The following ZNF134 variants were observed in gnomAD, a reference collection of about 807,000 sequenced individuals.
The protein encoded by ZNF134 is zinc finger protein 134.
A neutral mutation model predicts 2.5 loss-of-function variants in ZNF134; 5 were observed. That is an observed-to-expected ratio of 2.03 (90% CI 1.06 to 4.27). The LOEUF (loss-of-function observed/expected upper bound fraction) is 4.27, where lower values mean the gene tolerates loss of function less well. Among genes scored for constraint, ZNF134 ranks in the 30% most tolerant of loss-of-function variants. The pLI, the probability that ZNF134 is intolerant of heterozygous loss-of-function variation, is 0.00. For missense variants in ZNF134, 540 were observed against 517.5 expected, an observed-to-expected ratio of 1.04 and a Z score of -0.42; for synonymous variants, 176 against 176.2, an observed-to-expected ratio of 1.00 and a Z score of 0.01.
rs201304965 is a variant in ZNF134 at position 57,621,025 on chromosome 19, A to G, written c.906A>G (p.Thr302=). 9.9e-6 allele frequency: 16 copies of G among 1,613,918 alleles called. No individual in the cohort carries two copies. The highest frequency in any genetic ancestry group is 1.3e-5 in the African/African-American group (1 of 74,870). ...DCGKVFRHKS[T]LVQHESIHTG... is the part of the protein sequence containing the mutation. ...GGAAAGTCTTCAGACACAAATCTAC[A>G]CTTGTTCAGCATGAGAGTATTCACA... Residue 302 remains threonine (T), a synonymous_variant, in exon 3 of 3, where the codon ACA becomes ACG. Coordinates refer to ENST00000396161, the MANE Select transcript of ZNF134 (RefSeq NM_003435.5).
chr19:57,614,657 G>C (rs990133576), intron 1 of ZNF134, among the ~76,000 whole-genome samples, 154 bp downstream of exon 1: 2 of 152,198 alleles, frequency 1.3e-5, no homozygotes, highest in Admixed American at 1.3e-4. Context: ...GGGGCAGCCT[G>C]AGCATAGGTT....
rs768659301 is a variant in ZNF134, at chr19:57,621,375, A to G, written c.1256A>G (p.Gln419Arg). ...TTAAGCTCCCACCTCAATCGGCACC[A>G]GAAAGTTCACACTGCAGGCAGGCTT... Reference protein sequence around the residue: ...YSLSSHLNRHQKVHTAGRL With the variant: ...YSLSSHLNRHRKVHTAGRL Residue 419 changes from glutamine to arginine, a missense_variant, in exon 3 of 3, where the codon CAG becomes CGG. Physicochemically the swap from Gln to Arg is conservative, Grantham distance 43. Coordinates refer to ENST00000396161, the MANE Select transcript of ZNF134 (RefSeq NM_003435.5). 13 of 1,613,874 alleles carry G rather than the reference A, an allele frequency of 8.1e-6. No homozygotes were observed. The highest frequency in any genetic ancestry group is 1.0e-5 in the Non-Finnish European group (12 of 1,180,014).
rs760973729 is a variant in ZNF134, at chr19:57,621,505, C to G, written c.*102C>G. On this transcript the variant is annotated 3_prime_UTR_variant, in exon 3 of 3. Transcript: ENST00000396161. ...CCTTATGGTGCCAGGTACGTGGGAA[C>G]CTTCTAGGGATATGTTGCACTTTCT... is the stretch of plus-strand genomic sequence containing the variant. 1 of 1,554,798 alleles carries G rather than the reference C, an allele frequency of 6.4e-7. No homozygotes were observed. Among genetic ancestry groups the G allele is most frequent in the Admixed American group, 1.7e-5 (1 of 59,958 alleles).
At chr19:57,619,584 A>G (rs1464994361) in intron 2 of ZNF134, 76 bp downstream of exon 2, 3 of 1,471,334 alleles carry the variant, frequency 2.0e-6, no homozygotes, top group East Asian at 2.5e-5. Flanking sequence ...TGTGCCCATC[A>G]CAAGTGCCAA....
Position 57,619,527 on chromosome 19 carries a change from A to T in ZNF134, c.40+19A>T. 6.3e-7 allele frequency: 1 copy of T among 1,591,106 alleles called. No individual in the cohort carries two copies. Among genetic ancestry groups the T allele is most frequent in the Non-Finnish European group, 8.6e-7 (1 of 1,168,876 alleles). On this transcript the variant is annotated intron_variant, in intron 2 of 2. Coordinates refer to ENST00000396161, the MANE Select transcript of ZNF134 (RefSeq NM_003435.5). The stretch of plus-strand genomic sequence containing the variant: ...GGCCCTGGTGAGTGGGAGCTGAGGG[A>T]CGCCATAACCTCAGGGCTGGGTTCC...
chr19:57,623,664 CAT>C lies in ZNF134; in HGVS notation c.*2263_*2264del, dbSNP rs1305758446. The C allele has an allele frequency of 1.3e-5, 2 of 152,226 alleles. No homozygotes were observed. Among genetic ancestry groups the C allele is most frequent in the East Asian group, 3.9e-4 (2 of 5,184 alleles). 9.4% of individuals were successfully genotyped at this position (152,226 alleles called of 1,614,324 possible). ...ATGTTTGCTGATACCGGGATCAAAA[CAT>C]ACATCAGAACACTGTCACACAAAAA... On this transcript the variant is annotated 3_prime_UTR_variant, in exon 3 of 3. Coordinates refer to ENST00000396161, the MANE Select transcript of ZNF134 (RefSeq NM_003435.5).
chr19:57,619,746 T>C, intron 2 of ZNF134: 1 of 577,328 alleles, frequency 1.7e-6, no homozygotes. Flanking sequence ...TGCTTTCCAA[T>C]ATTGTACTAC....
chr19:57,623,362 A>T lies in ZNF134; in HGVS notation c.*1959A>T, dbSNP rs1402407405. 1.3e-5 allele frequency: 2 copies of T among 152,232 alleles called. No homozygotes were observed. The highest frequency in any genetic ancestry group is 2.9e-5 in the Non-Finnish European group (2 of 68,044). The allele number at this position is 152,232 out of a possible 1,614,324, so 9.4% of individuals were successfully genotyped here. On this transcript the variant is annotated 3_prime_UTR_variant, in exon 3 of 3. Transcript: ENST00000396161. ...TATTAAAAAGCTGCTGCAAATATTG[A>T]TGCATGAGTCTTTATGTGGACACTT...
At chr19:57,618,882 G>T in intron 1 of ZNF134, 1 of 154,542 alleles carries the variant, frequency 6.5e-6, no homozygotes. Context: ...CCCTGGGTAA[G>T]GCCCCAGTAT....
rs761803523 is a variant in ZNF134, at chr19:57,620,298, A to G, written c.179A>G (p.Lys60Arg). The G allele has an allele frequency of 9.7e-5, 157 of 1,614,060 alleles. 1 individual carries two copies. The East Asian group carries it at 3.5e-3, about 35-fold the overall frequency. ...LPCDICGPIL[K>R]DILHLDEHQG... ...TGTGACATATGTGGCCCCATCTTGA[A>G]AGATATTTTGCACCTGGATGAACAC... is the stretch of plus-strand genomic sequence containing the variant. Residue 60 changes from lysine (K) to arginine (R), a missense_variant, in exon 3 of 3, where the codon AAA becomes AGA. Physicochemically the swap from Lys to Arg is conservative, Grantham distance 26. Coordinates refer to ENST00000396161, the MANE Select transcript of ZNF134 (RefSeq NM_003435.5).
intron 1 of ZNF134, among the ~76,000 whole-genome samples, chr19:57,616,383 A>G (rs1449897366): frequency 6.6e-6 from 1 of 152,242 alleles, no homozygotes; most frequent in African/African-American, 2.4e-5. Context: ...AAAAATCTTA[A>G]CCAAATTTTC....
chr19:57,618,033 G>T (rs1034986149), intron 1 of ZNF134, among the ~76,000 whole-genome samples: 14 of 152,176 alleles, frequency 9.2e-5, no homozygotes, highest in African/African-American at 3.4e-4. Flanking sequence ...TTAGCCCAGG[G>T]ACAGATTGGG....
rs764528245 is a variant in ZNF134 at position 57,619,493 on chromosome 19, G to A, written c.25G>A (p.Ala9Thr). ...CATGACTCTAGTCACAGCAGGAGGGGCTTGGACAGGCCCTGGTGAGTGGGA... is the reference window on the plus strand; with the variant it reads ...CATGACTCTAGTCACAGCAGGAGGGACTTGGACAGGCCCTGGTGAGTGGGA... Reference protein sequence around the residue: MTLVTAGGAWTGPGCWHEV... With the variant: MTLVTAGGTWTGPGCWHEV... The change falls in exon 2 of 3, where the codon GCT (alanine) becomes ACT (threonine). Residue 9 changes from alanine to threonine, a missense_variant. Ala to Thr is a moderately conservative substitution (Grantham distance 58). Coordinates refer to ENST00000396161, the MANE Select transcript of ZNF134 (RefSeq NM_003435.5). The A allele has an allele frequency of 4.3e-5, 69 of 1,605,032 alleles. No homozygotes were observed. Among genetic ancestry groups the A allele is most frequent in the Non-Finnish European group, 5.9e-5 (69 of 1,175,928 alleles).
chr19:57,620,916 G>A lies in ZNF134; in HGVS notation c.797G>A (p.Gly266Glu), dbSNP rs369071619. Reference protein sequence around the residue: ...GEMPYKCNECGKYFSHHSNLI... With the variant: ...GEMPYKCNECEKYFSHHSNLI... ...ATGCCTTATAAGTGCAATGAATGTG[G>A]GAAATATTTTAGCCATCACTCCAAT... The change falls in exon 3 of 3, where the codon GGG (glycine) becomes GAG (glutamate). Residue 266 changes from glycine to glutamate, a missense_variant. By Grantham distance (98) the Gly-to-Glu change is moderately conservative. Transcript: ENST00000396161. 2.1e-5 allele frequency: 34 copies of A among 1,614,174 alleles called. No individual in the cohort carries two copies. The African/African-American group carries it at 4.3e-4, about 20-fold the overall frequency.
chr19:57,617,239 A>G (rs1048185059), intron 1 of ZNF134, among the ~76,000 whole-genome samples: 2 of 152,130 alleles, frequency 1.3e-5, no homozygotes, highest in Non-Finnish European at 2.9e-5. Context: ...GTCTTAACCA[A>G]CTTCCTCTGT....
In ZNF134 at chr19:57,619,467, G is replaced by A; in HGVS notation, c.-2G>A. On this transcript the variant is annotated 5_prime_UTR_variant, in exon 2 of 3. Coordinates refer to ENST00000396161, the MANE Select transcript of ZNF134 (RefSeq NM_003435.5). ...GAGAGAACTCTGGCTGCCTGAGAGG[G>A]CATGACTCTAGTCACAGCAGGAGGG... 1 of 1,604,764 alleles carries A rather than the reference G, an allele frequency of 6.2e-7. No homozygotes were observed. Among genetic ancestry groups the A allele is most frequent in the Non-Finnish European group, 8.5e-7 (1 of 1,175,812 alleles).
At chr19:57,617,251 C>T (rs149726266) in intron 1 of ZNF134, among the ~76,000 whole-genome samples, 19 of 152,190 alleles carry the variant, frequency 1.2e-4, no homozygotes, top group African/African-American at 4.6e-4. Context: ...TTCCTCTGTA[C>T]AGTGAAAAAA....
At position 57,620,842 on chromosome 19, in the gene ZNF134, C is replaced by A; in HGVS notation, c.723C>A (p.Phe241Leu). The A allele has an allele frequency of 6.2e-7, 1 of 1,614,206 alleles. No individual in the cohort carries two copies. Among genetic ancestry groups the A allele is most frequent in the South Asian group, 1.1e-5 (1 of 91,086 alleles). The change falls in exon 3 of 3, where the codon TTC becomes TTA. Residue 241 changes from phenylalanine to leucine, a missense_variant. By Grantham distance (22) the Phe-to-Leu change is conservative (BLOSUM62 0). Transcript: ENST00000396161. ...PYECSECGKTFSRKDNLTQHK... is the reference protein window; with the variant it reads ...PYECSECGKTLSRKDNLTQHK... Reference sequence around the variant, plus strand: ...AATGCAGCGAATGTGGAAAAACCTTCAGTCGAAAAGACAACCTTACTCAGC... The same window carrying A: ...AATGCAGCGAATGTGGAAAAACCTTAAGTCGAAAAGACAACCTTACTCAGC...
rs1981261489 is a variant in ZNF134, at chr19:57,622,689, C to T, written c.*1286C>T. ...CCAAGGAAGTAGCTTTTGTGACCAG[C>T]TGGAGTTTCTGGTGACTCTTTTGGC... On this transcript the variant is annotated 3_prime_UTR_variant, in exon 3 of 3. Coordinates refer to ENST00000396161, the MANE Select transcript of ZNF134 (RefSeq NM_003435.5). 1 of 152,122 alleles carries T rather than the reference C, an allele frequency of 6.6e-6. No homozygotes were observed. The highest frequency in any genetic ancestry group is 2.4e-5 in the African/African-American group (1 of 41,402). 9.4% of individuals were successfully genotyped at this position (152,122 alleles called of 1,614,324 possible). A position where few individuals can be genotyped will look rare whatever the true frequency, so the allele number is the denominator to read the frequency against.
Sources: gnomAD v4.1 joint callset for allele counts (sites outside exome capture counted in the v4.1 genomes callset) on GRCh38, gnomAD v4.1.1 for gene constraint, MANE v1.5 for transcripts, NCBI Gene and HGNC (gene_info 2026-07-23, HGNC 2026-07-21) for gene names.